Variants in CTNND2 observed in about 807,000 individuals in gnomAD.
CTNND2 encodes the protein catenin delta-2.
A neutral mutation model predicts 144.4 loss-of-function variants in CTNND2; 22 were observed. That is an observed-to-expected ratio of 0.15 (90% CI 0.11 to 0.22). The LOEUF (loss-of-function observed/expected upper bound fraction) is 0.22, where lower values mean the gene tolerates loss of function less well. Ranked by LOEUF, CTNND2 falls within the 10% of genes least tolerant of loss-of-function variation. The pLI is 1.00. For missense variants in CTNND2, 1,353 were observed against 1,618.8 expected (o/e 0.84, Z 2.82); for synonymous variants, 751 against 695.6 (o/e 1.08, Z -1.25).
chr5:11,480,788 G>C (rs1161682707), intron 3 of CTNND2, among the ~76,000 whole-genome samples: 2 of 152,042 alleles, frequency 1.3e-5, no homozygotes, highest in Non-Finnish European at 2.9e-5. Flanking sequence ...AAAAAGCGTT[G>C]ATGTCAGGTG....
intron 1 of CTNND2, among the ~76,000 whole-genome samples, chr5:11,786,245 T>C (rs562014257): frequency 6.6e-6 from 1 of 152,360 alleles, no homozygotes; most frequent in East Asian, 1.9e-4. Flanking sequence ...ACAACTGTCA[T>C]AATTCCATTT....
intron 3 of CTNND2, among the ~76,000 whole-genome samples, chr5:11,530,904 T>C (rs562592246): frequency 2.0e-5 from 3 of 152,188 alleles, no homozygotes; most frequent in Non-Finnish European, 4.4e-5. Context: ...TAAAAAATAA[T>C]GTGAACTTAC....
intron 13 of CTNND2, among the ~76,000 whole-genome samples, chr5:11,114,061 C>A (rs1315835268): frequency 6.6e-6 from 1 of 152,042 alleles, no homozygotes; most frequent in Non-Finnish European, 1.5e-5. Flanking sequence ...AAAAAGTGGA[C>A]TGGCACGAAA....
chr5:11,161,164 G>T lies in CTNND2; in HGVS notation c.1976-1405C>A, dbSNP rs540114401. On this transcript the variant is annotated intron_variant, in intron 11 of 21. Coordinates refer to ENST00000304623, the MANE Select transcript of CTNND2 (RefSeq NM_001332.4). ...GTTTTATTGAAGCACAGCCATGTCG[G>T]TTCATTTCTAAATTTTTTACATCTG... is the stretch of plus-strand genomic sequence containing the variant. Among the ~76,000 whole-genome samples the T allele has an allele frequency of 2.0e-5, 3 of 152,240 alleles. No individual in the cohort carries two copies. In the South Asian group the frequency reaches 6.2e-4, roughly 32 times the overall value.
rs148281674 is a variant in CTNND2, at chr5:11,678,880, G to T, written c.174+53256C>A. Among the ~76,000 whole-genome samples the T allele has an allele frequency of 4.2e-3, 636 of 151,966 alleles. 5 individuals carry two copies. Among genetic ancestry groups the T allele is most frequent in the African/African-American group, 0.015 (606 of 41,458 alleles). Reference sequence around the variant, plus strand: ...AGGAACAAAGGACAGGTGTGTGTATGATCTTTTGCCACCCACTCCACATCT... The same window carrying T: ...AGGAACAAAGGACAGGTGTGTGTATTATCTTTTGCCACCCACTCCACATCT... On this transcript the variant is annotated intron_variant, in intron 2 of 21. Transcript: ENST00000304623.
chr5:11,520,327 C>T (rs1028552292), intron 3 of CTNND2, among the ~76,000 whole-genome samples: 1 of 152,128 alleles, frequency 6.6e-6, no homozygotes, highest in African/African-American at 2.4e-5. Flanking sequence ...AGCCCTGCCA[C>T]CAGGAAATCC....
chr5:11,846,217 A>G (rs1454628611), intron 1 of CTNND2, among the ~76,000 whole-genome samples: 1 of 152,202 alleles, frequency 6.6e-6, no homozygotes, highest in Non-Finnish European at 1.5e-5. Flanking sequence ...CAATAAAAAC[A>G]GAAATATTAA....
intron 1 of CTNND2, among the ~76,000 whole-genome samples, chr5:11,775,281 G>T (rs901246794): frequency 6.6e-6 from 1 of 152,134 alleles, no homozygotes; most frequent in African/African-American, 2.4e-5. Context: ...ACGAAAATTG[G>T]ACATAAAATT....
chr5:11,485,372 T>C (rs1369039044), intron 3 of CTNND2, among the ~76,000 whole-genome samples: 53 of 125,802 alleles, frequency 4.2e-4, no homozygotes, highest in Non-Finnish European at 6.9e-4. Context: ...TGTGTGTGTG[T>C]GTGCGCGCGC....
At chr5:11,497,519 T>TGGGGGGGGGGGGGG (rs1234235644) in intron 3 of CTNND2, among the ~76,000 whole-genome samples, 1 of 13,740 alleles carries the variant, frequency 7.3e-5, no homozygotes, top group Non-Finnish European at 1.6e-4. Flanking sequence ...TGCGGGGGGG[T>TGGGGGGGGGGGGGG]GGGGGGGGGC....
chr5:11,150,497 A>G (rs1757648590), intron 12 of CTNND2, among the ~76,000 whole-genome samples: 1 of 152,192 alleles, frequency 6.6e-6, no homozygotes, highest in African/African-American at 2.4e-5. Context: ...ACCAGACTCA[A>G]GAAAAAGAGG....
chr5:11,737,990 G>A (rs536592163), intron 1 of CTNND2, among the ~76,000 whole-genome samples: 18 of 152,238 alleles, frequency 1.2e-4, no homozygotes, highest in East Asian at 7.7e-4. Flanking sequence ...GTGCTATGGC[G>A]GCACAAGCTG....
chr5:11,844,947 G>A (rs576739945), intron 1 of CTNND2, among the ~76,000 whole-genome samples: 1 of 152,094 alleles, frequency 6.6e-6, no homozygotes, highest in Admixed American at 6.6e-5. Flanking sequence ...CTGGCGGAGG[G>A]GGGCAGGGGG....
At chr5:11,470,954 GTATATATATATA>G (rs71595821) in intron 3 of CTNND2, among the ~76,000 whole-genome samples, 3 of 63,250 alleles carry the variant, frequency 4.7e-5, no homozygotes, top group East Asian at 3.0e-4. Flanking sequence ...TTGATACAAA[GTATATATATATA>G]TATATATATA....
intron 18 of CTNND2, among the ~76,000 whole-genome samples, chr5:11,002,386 G>A (rs1362080491): frequency 6.6e-6 from 1 of 152,252 alleles, no homozygotes; most frequent in African/African-American, 2.4e-5. Context: ...GCCATTTTGA[G>A]TTGAGCAGGT....
Position 11,370,969 on chromosome 5 carries a change from A to G in CTNND2, c.1178-6079T>C, listed in dbSNP as rs147729231. Among the ~76,000 whole-genome samples, 5 of 152,370 alleles carry G rather than the reference A, an allele frequency of 3.3e-5. No homozygotes were observed. In the East Asian group the frequency reaches 9.6e-4, roughly 29 times the overall value. On this transcript the variant is annotated intron_variant, in intron 7 of 21. Coordinates refer to ENST00000304623, the MANE Select transcript of CTNND2 (RefSeq NM_001332.4). ...AAAATTGAGGTTTTTAAAAACTGTAAGGTCAGTTAATGCACTGATAATTAT... is the reference window on the plus strand; with the variant it reads ...AAAATTGAGGTTTTTAAAAACTGTAGGGTCAGTTAATGCACTGATAATTAT...
chr5:11,565,087 A>G, intron 2 of CTNND2, 31 bp from the exon 3 acceptor site: 1 of 1,465,310 alleles, frequency 6.8e-7, no homozygotes, highest in Non-Finnish European at 9.6e-7. Context: ...AGATCAATTC[A>G]ATCATCTACA....
intron 6 of CTNND2, among the ~76,000 whole-genome samples, chr5:11,387,329 A>C (rs1174193125): frequency 6.6e-6 from 1 of 151,908 alleles, no homozygotes; most frequent in Non-Finnish European, 1.5e-5. Flanking sequence ...GGGCTGAGGG[A>C]TCTGGGTTTT....
rs61750716 is a variant in CTNND2, at chr5:11,342,919, A to G, written c.1628+3453T>C. On this transcript the variant is annotated intron_variant, in intron 9 of 21. Transcript: ENST00000304623. ...ACCTACAAATATATTAGCTATGATA[A>G]CAATCCTTAAGAGATTCACATTTTA... 2.2e-3 allele frequency among the ~76,000 whole-genome samples: 331 copies of G among 152,354 alleles called. 9 individuals are homozygous for G. In the South Asian group the frequency reaches 0.04, roughly 19 times the overall value.
Sources: allele counts gnomAD v4.1 joint callset (sites outside exome capture counted in the v4.1 genomes callset), GRCh38; gene constraint gnomAD v4.1.1; transcripts MANE v1.5; gene names NCBI Gene and HGNC (gene_info 2026-07-23, HGNC 2026-07-21).